USH1C: variants seen among roughly 807,000 people sequenced by gnomAD.
The protein encoded by USH1C is USH1 protein network component harmonin.
USH1C carries 90 observed loss-of-function variants against 119.3 expected under a neutral mutation model. The observed-to-expected ratio is 0.75, with a 90% confidence interval of 0.64 to 0.90. The LOEUF is 0.90. Ranked by LOEUF, USH1C falls within the 40% of genes least tolerant of loss-of-function variation. The probability of loss-of-function intolerance (pLI) is 0.00; values close to 1 mark genes in which losing one functional copy is unlikely to be tolerated. For synonymous variants in USH1C, 465 were observed against 443.3 expected, an observed-to-expected ratio of 1.05 and a Z score of -0.62; for missense variants, 1,165 against 1,167.7, an observed-to-expected ratio of 1.00 and a Z score of 0.03.
At chr11:17,521,042 G>A in intron 13 of USH1C, 48 bp from the exon 14 acceptor site, 1 of 1,611,404 alleles carries the variant, frequency 6.2e-7, no homozygotes, top group Non-Finnish European at 8.5e-7. Flanking sequence ...ACCCCCATAG[G>A]CCCATCTCCT....
At chr11:17,536,618 A>G (rs554053695) in intron 1 of USH1C, among the ~76,000 whole-genome samples, 4 of 152,102 alleles carry the variant, frequency 2.6e-5, no homozygotes, top group Non-Finnish European at 5.9e-5. Flanking sequence ...ACAGCTGCAG[A>G]GCTCAGCTCT....
Position 17,533,298 on chromosome 11 carries a change from C to A in USH1C, c.61G>T (p.Ala21Ser), listed in dbSNP as rs181215175. 3 of 1,613,718 alleles carry A rather than the reference C, an allele frequency of 1.9e-6. No homozygotes were observed. The highest frequency in any genetic ancestry group is 2.2e-5 in the East Asian group (1 of 44,854). The part of the protein sequence containing the change: ...HKVDFLIEND[A>S]EKDYLYDVLR... ...ACATCATAGAGATAGTCCTTCTCTG[C>A]ATCATTTTCAATCAGAAAATCCACC... The change falls in exon 2 of 27, where the codon GCA (alanine) becomes TCA (serine). Residue 21 changes from alanine to serine, a missense_variant. By Grantham distance (99) the Ala-to-Ser change is moderately conservative. Transcript: ENST00000005226.
chr11:17,542,724 G>A (rs1030992108), intron 1 of USH1C, among the ~76,000 whole-genome samples: 4 of 152,224 alleles, frequency 2.6e-5, no homozygotes, highest in African/African-American at 9.6e-5. Context: ...TCAACCCTGA[G>A]TCTTGGGTTG....
intron 18 of USH1C, among the ~76,000 whole-genome samples, chr11:17,508,541 C>T (rs776953099): frequency 6.6e-5 from 10 of 152,330 alleles, no homozygotes; most frequent in Non-Finnish European, 8.8e-5. Flanking sequence ...CTCATGGCTA[C>T]GGGAGTGGAA....
chr11:17,496,984 A>G, intron 24 of USH1C, 171 bp from the exon 25 acceptor site: 2 of 651,674 alleles, frequency 3.1e-6, no homozygotes, highest in Non-Finnish European at 5.3e-6. Context: ...GGACGTTTCT[A>G]GTCTCTGAGG....
At chr11:17,507,073 AAGCCAACAC>A (rs1483266241) in intron 18 of USH1C, among the ~76,000 whole-genome samples, 1 of 152,210 alleles carries the variant, frequency 6.6e-6, no homozygotes, top group Non-Finnish European at 1.5e-5. Context: ...CACAAGTGTC[AAGCCAACAC>A]AGGTGTTTGT....
At chr11:17,501,342 G>A (rs182656697) in intron 22 of USH1C, 140 bp downstream of exon 22, 63 of 1,127,882 alleles carry the variant, frequency 5.6e-5, no homozygotes, top group Middle Eastern at 2.2e-4. Flanking sequence ...ACAGAGGGGC[G>A]TCTCCGTGGG....
At chr11:17,525,917 A>G (rs979457477) in intron 8 of USH1C, among the ~76,000 whole-genome samples, 4 of 152,186 alleles carry the variant, frequency 2.6e-5, no homozygotes, top group African/African-American at 9.7e-5. Flanking sequence ...TGTCAACACC[A>G]AGGCTGGGTG....
chr11:17,532,098 C>T (rs1851014238), intron 2 of USH1C, among the ~76,000 whole-genome samples: 1 of 152,168 alleles, frequency 6.6e-6, no homozygotes, highest in Non-Finnish European at 1.5e-5. Context: ...TCAGCAGGCT[C>T]AAGGCCCTCC....
chr11:17,521,428 G>T lies in USH1C; in HGVS notation c.1020-17C>A. Reference sequence around the variant, plus strand: ...TTTCTCCTTCTGAAACACAAATGCAGATTGGCATGTTTGGCCCTATGCAAG... The same window carrying T: ...TTTCTCCTTCTGAAACACAAATGCATATTGGCATGTTTGGCCCTATGCAAG... On this transcript the variant is annotated splice_polypyrimidine_tract_variant and intron_variant, in intron 12 of 26. Transcript: ENST00000005226. 1 of 1,613,616 alleles carries T rather than the reference G, an allele frequency of 6.2e-7. No homozygotes were observed. Among genetic ancestry groups the T allele is most frequent in the Non-Finnish European group, 8.5e-7 (1 of 1,179,482 alleles).
At chr11:17,511,765 G>A (rs1242213688) in intron 16 of USH1C, 137 bp downstream of exon 16, 2 of 1,011,518 alleles carry the variant, frequency 2.0e-6, no homozygotes, top group Non-Finnish European at 2.9e-6. Context: ...TCTCCAGGCT[G>A]GGGAGCAGGA....
At chr11:17,539,657 T>A (rs539537962) in intron 1 of USH1C, among the ~76,000 whole-genome samples, 1 of 152,274 alleles carries the variant, frequency 6.6e-6, no homozygotes, top group South Asian at 2.1e-4. Context: ...GCCACACTTC[T>A]TCCCAGGCCT....
intron 2 of USH1C, 83 bp downstream of exon 2, chr11:17,533,172 C>T: frequency 9.7e-7 from 1 of 1,033,788 alleles, no homozygotes; most frequent in Non-Finnish European, 1.5e-6. Flanking sequence ...CTGAGCTCCT[C>T]TGTCTCAGAA....
chr11:17,530,811 G>A (rs1433804169), intron 4 of USH1C, among the ~76,000 whole-genome samples: 1 of 152,178 alleles, frequency 6.6e-6, no homozygotes, highest in Admixed American at 6.5e-5. Flanking sequence ...CCCCCTGCTG[G>A]TAAAAGGCAA....
chr11:17,528,316 T>C (rs547856583), intron 4 of USH1C, among the ~76,000 whole-genome samples: 1 of 152,326 alleles, frequency 6.6e-6, no homozygotes, highest in South Asian at 2.1e-4. Flanking sequence ...GATTGCCCCC[T>C]GCTGGATACT....
chr11:17,517,380 G>A, intron 14 of USH1C: 1 of 1,566,616 alleles, frequency 6.4e-7, no homozygotes, highest in Non-Finnish European at 8.7e-7. Flanking sequence ...CCAGGCCAGG[G>A]AGCAAAGCGG....
At chr11:17,508,881 C>A (rs569203043) in intron 18 of USH1C, among the ~76,000 whole-genome samples, 1 of 152,312 alleles carries the variant, frequency 6.6e-6, no homozygotes, top group Non-Finnish European at 1.5e-5. Flanking sequence ...AGTGTTATCA[C>A]TTCATTTACA....
intron 14 of USH1C, among the ~76,000 whole-genome samples, 169 bp downstream of exon 14, chr11:17,520,701 C>T (rs887450321): frequency 6.6e-6 from 1 of 152,168 alleles, no homozygotes; most frequent in African/African-American, 2.4e-5. Flanking sequence ...CAGATCCCTC[C>T]TACCTCGATG....
chr11:17,530,985 T>A (rs1242696120), intron 4 of USH1C, among the ~76,000 whole-genome samples, 169 bp downstream of exon 4: 2 of 152,224 alleles, frequency 1.3e-5, no homozygotes, highest in East Asian at 3.9e-4. Context: ...GCCTGCGGCC[T>A]GATTTCTATG....
Sources: allele counts gnomAD v4.1 joint callset (sites outside exome capture counted in the v4.1 genomes callset), GRCh38; gene constraint gnomAD v4.1.1; transcripts MANE v1.5; gene names NCBI Gene and HGNC (gene_info 2026-07-23, HGNC 2026-07-21).